The following LCK variants were observed in gnomAD, a reference collection of about 807,000 sequenced individuals.
The protein encoded by LCK is tyrosine-protein kinase Lck.
Under a neutral mutation model 64.6 loss-of-function variants are expected in LCK, and 14 were observed. The observed-to-expected ratio is 0.22, with a 90% CI of 0.14 to 0.34. The LOEUF is 0.34. Ranked by LOEUF, LCK falls within the 10% of genes least tolerant of loss-of-function variation. The pLI, the probability that LCK is intolerant of heterozygous loss-of-function variation, is 1.00. For synonymous variants in LCK, 277 were observed against 263.6 expected (o/e 1.05, Z -0.49); for missense variants, 434 against 668.1 (o/e 0.65, Z 3.86).
chr1:32,253,746 T>C (rs1451832093), intron 1 of LCK, among the ~76,000 whole-genome samples: 30 of 152,150 alleles, frequency 2.0e-4, no homozygotes. Flanking sequence ...AATCAGCCTG[T>C]TTCCTGTATA....
At chr1:32,273,714 A>G (rs1640173045) in intron 1 of LCK, among the ~76,000 whole-genome samples, 1 of 152,152 alleles carries the variant, frequency 6.6e-6, no homozygotes, top group Non-Finnish European at 1.5e-5. Context: ...AGTTATGGCC[A>G]ACAGAGTCAC....
rs377122627 is a variant in LCK at position 32,275,997 on chromosome 1, G to A, written c.565G>A (p.Gly189Ser). Residue 189 changes from glycine to serine, a missense_variant, in exon 7 of 13, where the codon GGT becomes AGT. This residue lies in a region of LCK where 233 missense variants were observed against 291.2 expected (regional missense o/e 0.80). Transcript: ENST00000336890. The surrounding 1 kb of genome is among the most constrained non-coding windows in gnomAD (Gnocchi z 6.9). ...TTACAAGATCCGTAATCTGGACAAC[G>A]GTGGCTTCTACATCTCCCCTCGAAT... is the stretch of plus-strand genomic sequence containing the variant. ...KHYKIRNLDN[G>S]GFYISPRITF... 3.7e-6 allele frequency: 6 copies of A among 1,614,142 alleles called. 1 individual carries two copies. Among genetic ancestry groups the A allele is most frequent in the South Asian group, 3.3e-5 (3 of 91,084 alleles).
chr1:32,275,668 C>A lies in LCK; in HGVS notation c.477C>A (p.Thr159=). The A allele has an allele frequency of 6.4e-7, 1 of 1,560,342 alleles. No individual in the cohort carries two copies. Reference sequence around the variant, plus strand: ...TCCTCATCCGGGAGAGCGAGAGCACCGCGGGTGAGCGGGCGGCGGTCTCGA... The same window carrying A: ...TCCTCATCCGGGAGAGCGAGAGCACAGCGGGTGAGCGGGCGGCGGTCTCGA... The part of the protein sequence containing the change: ...GSFLIRESES[T]AGSFSLSVRD... Residue 159 remains threonine (T), a synonymous_variant, in exon 6 of 13, where the codon ACC becomes ACA. Coordinates refer to ENST00000336890, the MANE Select transcript of LCK (RefSeq NM_005356.5). The surrounding 1 kb of genome is among the most constrained non-coding windows in gnomAD (Gnocchi z 6.9).
chr1:32,279,149 C>A (rs1248841111), intron 9 of LCK, among the ~76,000 whole-genome samples: 2 of 152,186 alleles, frequency 1.3e-5, no homozygotes, highest in Non-Finnish European at 2.9e-5. Flanking sequence ...AAAGTTCCAG[C>A]ATGCCCATGG....
chr1:32,267,049 G>A (rs942212341), intron 1 of LCK, among the ~76,000 whole-genome samples: 3 of 150,992 alleles, frequency 2.0e-5, no homozygotes, highest in African/African-American at 4.9e-5. Context: ...AGGCTCATAC[G>A]ACTATCACAA....
intron 12 of LCK, among the ~76,000 whole-genome samples, chr1:32,282,018 T>A (rs904610225): frequency 3.3e-5 from 5 of 152,070 alleles, no homozygotes; most frequent in African/African-American, 1.2e-4. Context: ...TGCAGTGAGC[T>A]GAGATCATGC....
At chr1:32,252,925 C>A (rs1163678189) in intron 1 of LCK, among the ~76,000 whole-genome samples, 5 of 152,180 alleles carry the variant, frequency 3.3e-5, no homozygotes, top group Non-Finnish European at 7.3e-5. Context: ...AGAGCAAGAC[C>A]AAAGGCCAGA....
In LCK at chr1:32,276,843, A is replaced by G; in HGVS notation, c.964+57A>G. ...TACTGCTCTCCCTGCTGTCCCTGCC[A>G]GAGGGTGGAAATACACCTTTTCTTC... On this transcript the variant is annotated intron_variant, in intron 9 of 12. Coordinates refer to ENST00000336890, the MANE Select transcript of LCK (RefSeq NM_005356.5). The surrounding 1 kb of genome is among the most constrained non-coding windows in gnomAD (Gnocchi z 4.6). 1 of 1,468,710 alleles carries G rather than the reference A, an allele frequency of 6.8e-7. No homozygotes were observed. The highest frequency in any genetic ancestry group is 9.1e-7 in the Non-Finnish European group (1 of 1,094,288). The allele number at this position is 1,468,710 out of a possible 1,614,324, so 91.0% of individuals were successfully genotyped here.
At chr1:32,285,131 G>A (rs748848382) in intron 12 of LCK, among the ~76,000 whole-genome samples, 13 of 151,926 alleles carry the variant, frequency 8.6e-5, no homozygotes, top group East Asian at 1.9e-4. Flanking sequence ...GGAGAAACCC[G>A]TCTCTACTAA....
Position 32,275,250 on chromosome 1 carries a change from G to T in LCK, c.279-71G>T. ...GTTGGGGGAGGCTGGCTTAAGGGGT[G>T]GAGGGGTCTTTGAGGGAGGGTCTCA... On this transcript the variant is annotated intron_variant, in intron 4 of 12. Transcript: ENST00000336890. This position sits in a 1 kb window ranked among gnomAD's most constrained non-coding sequence, Gnocchi z 6.9. 1 of 1,537,592 alleles carries T rather than the reference G, an allele frequency of 6.5e-7. No individual in the cohort carries two copies. Among genetic ancestry groups the T allele is most frequent in the South Asian group, 1.1e-5 (1 of 89,356 alleles).
At chr1:32,271,167 A>C (rs1028298804) in intron 1 of LCK, among the ~76,000 whole-genome samples, 1 of 151,680 alleles carries the variant, frequency 6.6e-6, no homozygotes, top group African/African-American at 2.4e-5. Flanking sequence ...CACCTGGCTA[A>C]TTTTTTGATT....
Position 32,285,657 on chromosome 1 carries a change from C to T in LCK, c.1471C>T (p.Arg491Cys), listed in dbSNP as rs771899555. ...GGACCGGCCCACCTTTGACTACCTG[C>T]GCAGTGTGCTGGAGGACTTCTTCAC... ...PEDRPTFDYL[R>C]SVLEDFFTAT... Residue 491 changes from arginine (R) to cysteine (C), a missense_variant, in exon 13 of 13, where the codon CGC becomes TGC. By Grantham distance (180) the Arg-to-Cys change is radical. Coordinates refer to ENST00000336890, the MANE Select transcript of LCK (RefSeq NM_005356.5). 8.1e-6 allele frequency: 13 copies of T among 1,613,978 alleles called. No homozygotes were observed. The highest frequency in any genetic ancestry group is 5.0e-5 in the Admixed American group (3 of 59,966).
chr1:32,266,339 A>C (rs552180593), intron 1 of LCK, among the ~76,000 whole-genome samples: 9 of 151,446 alleles, frequency 5.9e-5, no homozygotes, highest in Admixed American at 5.9e-4. Flanking sequence ...AAAAATACAA[A>C]AAAAAAAAAA....
At position 32,260,088 on chromosome 1, in the gene LCK, C is replaced by T. The variant is rs143022224; in HGVS notation, c.-6+8717C>T. 1.3e-4 allele frequency among the ~76,000 whole-genome samples: 19 copies of T among 151,576 alleles called. No homozygotes were observed. In the East Asian group the frequency reaches 2.3e-3, roughly 19 times the overall value. The stretch of plus-strand genomic sequence containing the variant: ...GAGACAGAGTCTTGCTCTGTCGCCA[C>T]GCTGGAGTGCAGTCCCGGGTTTAAG... On this transcript the variant is annotated intron_variant, in intron 1 of 12. Transcript: ENST00000336890.
intron 1 of LCK, among the ~76,000 whole-genome samples, chr1:32,273,405 AGT>A (rs751618167): frequency 1.3e-3 from 192 of 147,096 alleles, no homozygotes; most frequent in African/African-American, 3.6e-3. Flanking sequence ...GGTGTGTGTG[AGT>A]GTGTGTGTGT....
rs1238498021 is a variant in LCK, at chr1:32,251,950, A to G, written c.-6+579A>G. On this transcript the variant is annotated intron_variant, in intron 1 of 12. Coordinates refer to ENST00000336890, the MANE Select transcript of LCK (RefSeq NM_005356.5). This position sits in a 1 kb window ranked among gnomAD's most constrained non-coding sequence, Gnocchi z 4.0. The stretch of plus-strand genomic sequence containing the variant: ...AGAGAGAGAGAGACAGAGATCACCC[A>G]AGGCATCCAGATGGACATGCGAGGA... 6.6e-6 allele frequency among the ~76,000 whole-genome samples: 1 copy of G among 150,432 alleles called. No homozygotes were observed. Among genetic ancestry groups the G allele is most frequent in the Non-Finnish European group, 1.5e-5 (1 of 67,776 alleles).
intron 12 of LCK, among the ~76,000 whole-genome samples, chr1:32,285,184 C>T (rs931710362): frequency 9.9e-5 from 15 of 151,536 alleles, no homozygotes; most frequent in Non-Finnish European, 4.4e-5. Flanking sequence ...GCCTGTAATC[C>T]CAGCTACTCG....
intron 1 of LCK, among the ~76,000 whole-genome samples, chr1:32,260,618 G>C (rs1414376628): frequency 6.6e-6 from 1 of 151,976 alleles, no homozygotes; most frequent in Non-Finnish European, 1.5e-5. Context: ...TTTTTGTGTT[G>C]CTTTGTTTGT....
At chr1:32,253,566 G>C (rs913867354) in intron 1 of LCK, among the ~76,000 whole-genome samples, 8 of 152,168 alleles carry the variant, frequency 5.3e-5, no homozygotes, top group African/African-American at 1.9e-4. Context: ...ACAGGCATGA[G>C]CCACCGCACC....
Sources: allele counts gnomAD v4.1 joint callset (sites outside exome capture counted in the v4.1 genomes callset), GRCh38; gene constraint gnomAD v4.1.1; regional missense constraint gnomAD v4.1.1; non-coding constraint Gnocchi (gnomAD v3.1); transcripts MANE v1.5; gene names NCBI Gene and HGNC (gene_info 2026-07-23, HGNC 2026-07-21).